Variants in CRISP1 observed in about 807,000 individuals in gnomAD.
CRISP1 encodes cysteine-rich secretory protein 1.
In CRISP1, 44 loss-of-function variants were observed where a neutral mutation model predicts 33.1. The ratio of observed to expected loss-of-function variants is 1.33; its 90% CI spans 1.05 to 1.71. The LOEUF is 1.71. CRISP1 is among the 40% of genes most tolerant of loss of function. CRISP1 has a pLI of 0.00. For synonymous variants in CRISP1, 103 were observed against 98.7 expected (o/e 1.04, Z -0.26); for missense variants, 390 against 301.2 (o/e 1.29, Z -2.18).
chr6:49,868,374 A>G (rs1771847012), upstream of CRISP1, among the ~76,000 whole-genome samples: 1 of 152,192 alleles, frequency 6.6e-6, no homozygotes, highest in South Asian at 2.1e-4. Context: ...TATCTAGCAT[A>G]TCATAACATG....
At chr6:49,846,725 G>T in intron 4 of CRISP1, 57 bp from the exon 5 acceptor site, 1 of 1,522,886 alleles carries the variant, frequency 6.6e-7, no homozygotes, top group Non-Finnish European at 8.9e-7. Flanking sequence ...TAGTATACAA[G>T]GAGACTTTCC....
upstream of CRISP1, among the ~76,000 whole-genome samples, chr6:49,868,727 C>T (rs1771856979): frequency 6.6e-6 from 1 of 152,120 alleles, no homozygotes; most frequent in Non-Finnish European, 1.5e-5. Context: ...ACAACAATCC[C>T]ATTTGTGTCT....
chr6:49,870,955 G>A (rs1269707198), upstream of CRISP1, among the ~76,000 whole-genome samples: 1 of 152,064 alleles, frequency 6.6e-6, no homozygotes. Flanking sequence ...ACAAAAATTA[G>A]CTGGATGTGG....
At chr6:49,863,466 C>A (rs894106785) in intron 1 of CRISP1, among the ~76,000 whole-genome samples, 19 of 152,132 alleles carry the variant, frequency 1.2e-4, no homozygotes, top group African/African-American at 4.6e-4. Context: ...AGCATCAATT[C>A]CTTCTTAACA....
chr6:49,846,905 C>A (rs77533844), intron 4 of CRISP1, among the ~76,000 whole-genome samples: 1,622 of 152,190 alleles, frequency 0.011, 35 homozygotes, highest in African/African-American at 0.037. Context: ...GAAATCAAAT[C>A]ATCAACATTT....
At chr6:49,858,471 T>A (rs749179151) in intron 1 of CRISP1, among the ~76,000 whole-genome samples, 10 of 152,228 alleles carry the variant, frequency 6.6e-5, no homozygotes, top group Non-Finnish European at 1.2e-4. Flanking sequence ...CAATTAATCA[T>A]GCTTTTTCAC....
intron 2 of CRISP1, among the ~76,000 whole-genome samples, chr6:49,855,610 AT>A (rs1406273917): frequency 2.0e-5 from 3 of 152,176 alleles, no homozygotes; most frequent in African/African-American, 7.2e-5. Context: ...CTCAGAGACG[AT>A]TCAGCCTGCC....
At chr6:49,861,074 A>G (rs1771637612) in intron 1 of CRISP1, among the ~76,000 whole-genome samples, 1 of 152,170 alleles carries the variant, frequency 6.6e-6, no homozygotes, top group African/African-American at 2.4e-5. Flanking sequence ...CTGACCAATA[A>G]TGAATAATGA....
In CRISP1 at chr6:49,846,624, A is replaced by T; in HGVS notation, c.331T>A (p.Ser111Thr). The T allele has an allele frequency of 6.2e-7, 1 of 1,613,584 alleles. No individual in the cohort carries two copies. Among genetic ancestry groups the T allele is most frequent in the Non-Finnish European group, 8.5e-7 (1 of 1,179,662 alleles). Residue 111 changes from serine to threonine, a missense_variant, in exon 5 of 8, where the codon TCA becomes ACA. Coordinates refer to ENST00000335847, the MANE Select transcript of CRISP1 (RefSeq NM_001131.3). ...ENMHMTSYPVSWSSVIGVWYS... is the reference protein window; with the variant it reads ...ENMHMTSYPVTWSSVIGVWYS... ...CAGACTCCAATTACACTTGACCATG[A>T]TACAGGATAAGATGTCATATGCATA...
At chr6:49,867,527 T>C (rs539071289), upstream of CRISP1, among the ~76,000 whole-genome samples, 61 of 152,164 alleles carry the variant, frequency 4.0e-4, no homozygotes, top group African/African-American at 1.4e-3. Flanking sequence ...AATTGTGTAG[T>C]CATAAGTTAT....
At chr6:49,858,995 T>A (rs982010525) in intron 1 of CRISP1, among the ~76,000 whole-genome samples, 1 of 152,134 alleles carries the variant, frequency 6.6e-6, no homozygotes, top group African/African-American at 2.4e-5. Flanking sequence ...CAGTTGGGAC[T>A]GACTGGGAGC....
rs958567346 is a variant in CRISP1 at position 49,852,098 on chromosome 6, A to C, written c.98T>G (p.Leu33Arg). 1.2e-6 allele frequency: 2 copies of C among 1,613,132 alleles called. No homozygotes were observed. Among genetic ancestry groups the C allele is most frequent in the Non-Finnish European group, 8.5e-7 (1 of 1,179,472 alleles). ...TTGTACATTTGGCAAGTCGGTGACGAGCTTATTAAATTGGTCTCTAGCTGA... is the reference window on the plus strand; with the variant it reads ...TTGTACATTTGGCAAGTCGGTGACGCGCTTATTAAATTGGTCTCTAGCTGA... ...KKSARDQFNK[L>R]VTDLPNVQEE... The change falls in exon 3 of 8, where the codon CTC (leucine) becomes CGC (arginine). Residue 33 changes from leucine (L) to arginine (R), a missense_variant. Leu to Arg is a moderately radical substitution (Grantham distance 102). Transcript: ENST00000335847.
chr6:49,874,774 TC>T (rs1234134787), intron 1 of CRISP1, among the ~76,000 whole-genome samples: 15 of 151,946 alleles, frequency 9.9e-5, no homozygotes, highest in African/African-American at 3.6e-4. Context: ...TAAATGTGAC[TC>T]ATCACATAAG....
At chr6:49,872,179 T>C (rs567314196) in intron 1 of CRISP1, among the ~76,000 whole-genome samples, 1 of 152,230 alleles carries the variant, frequency 6.6e-6, no homozygotes. Flanking sequence ...CATGTGTCTT[T>C]GGGCTGCATA....
chr6:49,868,178 T>G (rs1004781886), upstream of CRISP1, among the ~76,000 whole-genome samples: 7 of 152,144 alleles, frequency 4.6e-5, no homozygotes, highest in Non-Finnish European at 8.8e-5. Flanking sequence ...TAAAAGAATT[T>G]GGGAAGTGTT....
chr6:49,846,492 T>C, intron 5 of CRISP1, 28 bp downstream of exon 5: 3 of 1,605,026 alleles, frequency 1.9e-6, no homozygotes, highest in Non-Finnish European at 2.6e-6. Context: ...TCTTAAACAA[T>C]GTGTGTGTTT....
chr6:49,839,719 T>C (rs555838289), intron 6 of CRISP1, among the ~76,000 whole-genome samples: 1 of 152,280 alleles, frequency 6.6e-6, no homozygotes, highest in South Asian at 2.1e-4. Context: ...ATTTTGTACT[T>C]TTCTTTTTTG....
At chr6:49,847,595 G>T (rs754500241) in intron 4 of CRISP1, among the ~76,000 whole-genome samples, 2 of 152,110 alleles carry the variant, frequency 1.3e-5, no homozygotes, top group African/African-American at 2.4e-5. Flanking sequence ...TGTACAGCCC[G>T]CAGAGTCATA....
chr6:49,873,498 C>T (rs913334982), intron 1 of CRISP1, among the ~76,000 whole-genome samples: 1 of 152,040 alleles, frequency 6.6e-6, no homozygotes, highest in Admixed American at 6.6e-5. Flanking sequence ...TATGTGTCCT[C>T]ATGTTAGGCT....
Sources: allele counts gnomAD v4.1 joint callset (sites outside exome capture counted in the v4.1 genomes callset), GRCh38; gene constraint gnomAD v4.1.1; transcripts MANE v1.5; gene names NCBI Gene and HGNC (gene_info 2026-07-23, HGNC 2026-07-21).